Variants in ITLN1 observed in about 807,000 individuals in gnomAD.
ITLN1 encodes intelectin 1.
A neutral mutation model predicts 36.2 loss-of-function variants in ITLN1; 29 were observed. The ratio of observed to expected loss-of-function variants is 0.80; its 90% CI spans 0.60 to 1.09. ITLN1 has a LOEUF of 1.09. ITLN1 is among the 50% of genes least tolerant of loss of function. The pLI, the probability that ITLN1 is intolerant of heterozygous loss-of-function variation, is 0.00. For synonymous variants in ITLN1, 143 were observed against 146.5 expected (o/e 0.98, Z 0.17); for missense variants, 358 against 405.2 (o/e 0.88, Z 1.00).
chr1:160,881,556 C>T (rs1301118011), intron 4 of ITLN1: 3 of 526,056 alleles, frequency 5.7e-6, no homozygotes, highest in Non-Finnish European at 9.7e-6. Context: ...TGCCTATAAT[C>T]CCAGCACTTT....
Position 160,876,558 on chromosome 1 carries a change from T to C in ITLN1, c.*106A>G. 2 of 1,168,678 alleles carry C rather than the reference T, an allele frequency of 1.7e-6. No individual in the cohort carries two copies. The highest frequency in any genetic ancestry group is 2.1e-5 in the Admixed American group (1 of 47,900). The allele number at this position is 1,168,678 out of a possible 1,614,324, so 72.4% of individuals were successfully genotyped here. A position where few individuals can be genotyped will look rare whatever the true frequency, so the allele number is the denominator to read the frequency against. On this transcript the variant is annotated 3_prime_UTR_variant, in exon 8 of 8. Transcript: ENST00000326245. ...CCAAGCCTTGAGTCAATATGATTTA[T>C]TGTTTTCTCTTCTGCCATTAACATT...
At chr1:160,881,919 C>A in intron 4 of ITLN1, 38 bp downstream of exon 4, 1 of 1,614,056 alleles carries the variant, frequency 6.2e-7, no homozygotes, top group Non-Finnish European at 8.5e-7. Flanking sequence ...ACACTCCACT[C>A]CTCACCCTCA....
chr1:160,881,078 T>C (rs750729308), intron 5 of ITLN1, 76 bp downstream of exon 5: 2 of 1,465,116 alleles, frequency 1.4e-6, no homozygotes, highest in Non-Finnish European at 9.2e-7. Context: ...CATTAAAAAA[T>C]GACTCCTGCC....
chr1:160,880,440 C>T (rs1557855648), intron 6 of ITLN1, 148 bp downstream of exon 6: 2 of 757,070 alleles, frequency 2.6e-6, no homozygotes, highest in Non-Finnish European at 4.2e-6. Flanking sequence ...AAGTTCAGAT[C>T]TCAAAGGCAG....
At chr1:160,879,278 T>A in intron 7 of ITLN1, 33 bp downstream of exon 7, 1 of 1,507,446 alleles carries the variant, frequency 6.6e-7, no homozygotes, top group Non-Finnish European at 9.2e-7. Flanking sequence ...TCGACCTTAC[T>A]CACAGGTCCC....
At chr1:160,881,645 C>T (rs1670680035) in intron 4 of ITLN1, 2 of 517,414 alleles carry the variant, frequency 3.9e-6, no homozygotes, top group Non-Finnish European at 3.4e-6. Flanking sequence ...CCCATCTCTA[C>T]TAAAAGTACA....
chr1:160,882,859 T>C (rs2101910660), intron 3 of ITLN1, among the ~76,000 whole-genome samples: 1 of 152,280 alleles, frequency 6.6e-6, no homozygotes, highest in South Asian at 2.1e-4. Context: ...TGTTATTTTT[T>C]GTTTTGTTTT....
chr1:160,881,817 A>G lies in ITLN1; in HGVS notation c.405+140T>C. Reference sequence around the variant, plus strand: ...ACTCCGTCTCAAGAAAAAAAAAAAAAAAAAAAAAGATATAAGTATTTCTCT... The same window carrying G: ...ACTCCGTCTCAAGAAAAAAAAAAAAGAAAAAAAAGATATAAGTATTTCTCT... On this transcript the variant is annotated intron_variant, in intron 4 of 7. Coordinates refer to ENST00000326245, the MANE Select transcript of ITLN1 (RefSeq NM_017625.3). 1.6e-6 allele frequency: 2 copies of G among 1,234,676 alleles called. 1 individual carries two copies. The highest frequency in any genetic ancestry group is 4.4e-5 in the Admixed American group (2 of 45,264). 76.5% of individuals were successfully genotyped at this position (1,234,676 alleles called of 1,614,324 possible).
At chr1:160,876,897 AT>A in intron 7 of ITLN1, 81 bp from the exon 8 acceptor site, 1 of 1,418,656 alleles carries the variant, frequency 7.0e-7, no homozygotes, top group Non-Finnish European at 9.8e-7. Context: ...GAATCCAGTG[AT>A]TTCTTTGGTC....
At chr1:160,881,478 G>T in intron 4 of ITLN1, 166 bp from the exon 5 acceptor site, 1 of 723,552 alleles carries the variant, frequency 1.4e-6, no homozygotes, top group Admixed American at 3.4e-5. Context: ...ACCACACCCA[G>T]GGCCCTAACA....
At position 160,880,588 on chromosome 1, in the gene ITLN1, G is replaced by A. The variant is rs756933396; in HGVS notation, c.685C>T (p.Arg229Trp). 40 of 1,613,628 alleles carry A rather than the reference G, an allele frequency of 2.5e-5. No individual in the cohort carries two copies. The highest frequency in any genetic ancestry group is 6.6e-5 in the South Asian group (6 of 91,006). ...TASYYSPYGQREFTAGFVQFR... is the reference protein window; with the variant it reads ...TASYYSPYGQWEFTAGFVQFR... ...GTTCAGAGGATCATTAAAGACTCAC[G>A]CTGGCCATAGGGTGAGTAATAAGAT... is the stretch of plus-strand genomic sequence containing the variant. Residue 229 changes from arginine to tryptophan, a missense_variant and splice_region_variant, in exon 6 of 8, where the codon CGG becomes TGG. Physicochemically the swap from Arg to Trp is moderately radical, Grantham distance 101 (BLOSUM62 -3). Transcript: ENST00000326245.
In ITLN1 at chr1:160,876,706, G is replaced by T. The variant is rs751165501; in HGVS notation, c.900C>A (p.Ser300Arg). The change falls in exon 8 of 8, where the codon AGC becomes AGA. Residue 300 changes from serine (S) to arginine (R), a missense_variant. By Grantham distance (110) the Ser-to-Arg change is moderately radical. Coordinates refer to ENST00000326245, the MANE Select transcript of ITLN1 (RefSeq NM_017625.3). ...GCACAGCTGCCTCAGTTATCTCACG[G>T]CTGCTGCTGTAACCAACATGAGTTC... ...GYGTHVGYSS[S>R]REITEAAVLL... 4 of 1,614,174 alleles carry T rather than the reference G, an allele frequency of 2.5e-6. No homozygotes were observed. The highest frequency in any genetic ancestry group is 2.2e-5 in the East Asian group (1 of 44,886).
chr1:160,881,827 A>AAAATT, intron 4 of ITLN1, 130 bp downstream of exon 4: 1 of 941,648 alleles, frequency 1.1e-6, no homozygotes. Context: ...AAAAAAAAAG[A>AAAATT]TATAAGTATT....
At chr1:160,877,647 G>A (rs1226951321) in intron 7 of ITLN1, among the ~76,000 whole-genome samples, 1 of 152,214 alleles carries the variant, frequency 6.6e-6, no homozygotes, top group Non-Finnish European at 1.5e-5. Flanking sequence ...TGAGAACCAT[G>A]TTATTCTATA....
Position 160,876,584 on chromosome 1 carries a change from C to A in ITLN1, c.*80G>T, listed in dbSNP as rs1415806935. On this transcript the variant is annotated 3_prime_UTR_variant, in exon 8 of 8. Coordinates refer to ENST00000326245, the MANE Select transcript of ITLN1 (RefSeq NM_017625.3). ...TGTTTTCTCTTCTGCCATTAACATT[C>A]TAGCTACTGGGTAAGTTGTTCTCCA... 21 of 1,395,826 alleles carry A rather than the reference C, an allele frequency of 1.5e-5. No individual in the cohort carries two copies. The highest frequency in any genetic ancestry group is 3.0e-6 in the Non-Finnish European group (3 of 1,002,338). 86.5% of individuals were successfully genotyped at this position (1,395,826 alleles called of 1,614,324 possible). A position where few individuals can be genotyped will look rare whatever the true frequency, so the allele number is the denominator to read the frequency against.
In ITLN1 at chr1:160,876,811, G is replaced by A. The variant is rs529371014; in HGVS notation, c.795C>T (p.Cys265=). ...CTGGAAAGTATCCTCCTCCACCAAT[G>A]CAGTGCTGGGAAACAAAGAGAGGAA... is the stretch of plus-strand genomic sequence containing the variant. ...RVTGCNTEHH[C]IGGGGYFPEA... is the part of the protein sequence containing the mutation. Residue 265 remains cysteine, a synonymous_variant, in exon 8 of 8, where the codon TGC becomes TGT. Coordinates refer to ENST00000326245, the MANE Select transcript of ITLN1 (RefSeq NM_017625.3). 6.8e-6 allele frequency: 11 copies of A among 1,613,966 alleles called. No homozygotes were observed. In the South Asian group the frequency reaches 9.9e-5, roughly 15 times the overall value.
Position 160,882,146 on chromosome 1 carries a change from C to T in ITLN1, c.216G>A (p.Met72Ile), listed in dbSNP as rs2101910312. The T allele has an allele frequency of 5.0e-6, 8 of 1,612,054 alleles. No homozygotes were observed. The East Asian group carries it at 1.8e-4, about 36-fold the overall frequency. The change falls in exon 4 of 8, where the codon ATG (methionine) becomes ATA (isoleucine). Residue 72 changes from methionine to isoleucine, a missense_variant. By Grantham distance (10) the Met-to-Ile change is conservative. Coordinates refer to ENST00000326245, the MANE Select transcript of ITLN1 (RefSeq NM_017625.3). ...GGGTCCAGCCGCCACCCCCAGAGGT[C>T]ATGTCACAGAAGGTCTGGTAGATAA... ...NGVIYQTFCD[M>I]TSGGGGWTLV...
intron 7 of ITLN1, 50 bp from the exon 8 acceptor site, chr1:160,876,866 G>C (rs777189553): frequency 6.3e-7 from 1 of 1,576,772 alleles, no homozygotes. Flanking sequence ...TGCCAGTGAG[G>C]CCAATGCCAT....
intron 7 of ITLN1, among the ~76,000 whole-genome samples, chr1:160,878,690 T>G (rs560329751): frequency 6.6e-6 from 1 of 150,782 alleles, no homozygotes; most frequent in East Asian, 2.0e-4. Context: ...TGGCCAGTAT[T>G]TCTTTATAGC....
Sources: gnomAD v4.1 joint callset for allele counts (sites outside exome capture counted in the v4.1 genomes callset) on GRCh38, gnomAD v4.1.1 for gene constraint, MANE v1.5 for transcripts, NCBI Gene and HGNC (gene_info 2026-07-23, HGNC 2026-07-21) for gene names.